Variants in FAF1 observed in about 807,000 individuals in gnomAD.
The protein encoded by FAF1 is FAS-associated factor 1.
In FAF1, 25 loss-of-function variants were observed where a neutral mutation model predicts 92.5. The observed-to-expected ratio is 0.27, with a 90% CI of 0.20 to 0.38. The LOEUF (loss-of-function observed/expected upper bound fraction) is 0.38. FAF1 is among the 10% of genes least tolerant of loss of function. FAF1 has a pLI of 1.00. For missense variants in FAF1, 636 were observed against 793.3 expected (o/e 0.80, Z 2.38); for synonymous variants, 234 against 273.2 (o/e 0.86, Z 1.42).
At chr1:50,904,924 T>C (rs578219813) in intron 1 of FAF1, among the ~76,000 whole-genome samples, 5 of 152,060 alleles carry the variant, frequency 3.3e-5, no homozygotes, top group South Asian at 2.1e-4. Context: ...TCTAGGGTAC[T>C]TGTGCACAAT....
intron 8 of FAF1, among the ~76,000 whole-genome samples, chr1:50,615,913 C>CA (rs992262849): frequency 1.3e-5 from 2 of 151,952 alleles, no homozygotes; most frequent in Non-Finnish European, 2.9e-5. Flanking sequence ...GGGACTAAGC[C>CA]AAAAAAATCT....
chr1:50,679,222 T>C (rs1330297903), intron 7 of FAF1, among the ~76,000 whole-genome samples: 1 of 152,220 alleles, frequency 6.6e-6, no homozygotes, highest in Non-Finnish European at 1.5e-5. Flanking sequence ...ACTTCCAATT[T>C]TTTAAAGCTG....
In FAF1 at chr1:50,440,722, G is replaced by T. The variant is rs1646158617; in HGVS notation, c.*718C>A. 6.6e-6 allele frequency: 1 copy of T among 152,226 alleles called. No individual in the cohort carries two copies. Among genetic ancestry groups the T allele is most frequent in the South Asian group, 2.1e-4 (1 of 4,824 alleles). The allele number at this position is 152,226 out of a possible 1,614,324, so 9.4% of individuals were successfully genotyped here. A position where few individuals can be genotyped will look rare whatever the true frequency, so the allele number is the denominator to read the frequency against. ...GGCCAGATACTGAAGTTTTGGTACT[G>T]GCCTCTCTGCACATGATCTCAACAT... On this transcript the variant is annotated 3_prime_UTR_variant, in exon 19 of 19. Coordinates refer to ENST00000396153, the MANE Select transcript of FAF1 (RefSeq NM_007051.3).
chr1:50,888,836 G>GT (rs1370437715), intron 1 of FAF1, among the ~76,000 whole-genome samples: 1 of 151,924 alleles, frequency 6.6e-6, no homozygotes, highest in East Asian at 1.9e-4. Context: ...TTTTTTTGTT[G>GT]TGTCTCTGCC....
intron 8 of FAF1, among the ~76,000 whole-genome samples, chr1:50,611,709 C>T (rs147988908): frequency 3.0e-4 from 46 of 152,264 alleles, no homozygotes; most frequent in African/African-American, 1.1e-3. Context: ...CTAATGTTCA[C>T]TAGGAAAACA....
At chr1:50,750,963 A>C (rs534556985) in intron 4 of FAF1, among the ~76,000 whole-genome samples, 21 of 129,948 alleles carry the variant, frequency 1.6e-4, no homozygotes, top group Admixed American at 3.0e-4. Context: ...AAATAGCTCC[A>C]AGTTTAGCTC....
intron 6 of FAF1, among the ~76,000 whole-genome samples, chr1:50,726,186 G>C (rs1027298623): frequency 6.6e-6 from 1 of 151,966 alleles, no homozygotes; most frequent in African/African-American, 2.4e-5. Context: ...AACTCAGGAG[G>C]CGGAGGTTGC....
rs780859522 is a variant in FAF1 at position 50,758,598 on chromosome 1, T to A, written c.368-13823A>T. Reference sequence around the variant, plus strand: ...AAATGTGTAACCAAATATTTACAATTTCTAGTGCTCTTCATTTCTCTGTAT... The same window carrying A: ...AAATGTGTAACCAAATATTTACAATATCTAGTGCTCTTCATTTCTCTGTAT... On this transcript the variant is annotated intron_variant, in intron 4 of 18. Transcript: ENST00000396153. Among the ~76,000 whole-genome samples, 38 of 152,226 alleles carry A rather than the reference T, an allele frequency of 2.5e-4. 1 individual carries two copies. Among genetic ancestry groups the A allele is most frequent in the Non-Finnish European group, 1.5e-4 (10 of 68,040 alleles).
intron 1 of FAF1, among the ~76,000 whole-genome samples, chr1:50,929,315 C>T (rs549902645): frequency 6.6e-6 from 1 of 152,054 alleles, no homozygotes; most frequent in Admixed American, 6.5e-5. Context: ...CAAAACAGTG[C>T]TATTTAAGTT....
intron 7 of FAF1, among the ~76,000 whole-genome samples, chr1:50,687,910 C>T (rs1474198918): frequency 6.6e-6 from 1 of 151,584 alleles, no homozygotes. Context: ...CCAAGGCGGG[C>T]GGATCACAAG....
intron 17 of FAF1, among the ~76,000 whole-genome samples, chr1:50,478,195 ACT>A (rs199758536): frequency 0.014 from 1,989 of 144,450 alleles, 16 homozygotes; most frequent in Middle Eastern, 0.066. Flanking sequence ...ATGGAGTTTC[ACT>A]CTGTCGCCCA....
At chr1:50,855,334 AT>A (rs544485188) in intron 2 of FAF1, among the ~76,000 whole-genome samples, 42 of 151,722 alleles carry the variant, frequency 2.8e-4, no homozygotes, top group African/African-American at 8.7e-4. Flanking sequence ...TTTTTATTAG[AT>A]TTTTTTTAAG....
chr1:50,685,569 T>C (rs1364366482), intron 7 of FAF1, among the ~76,000 whole-genome samples: 2 of 152,222 alleles, frequency 1.3e-5, no homozygotes, highest in Non-Finnish European at 2.9e-5. Flanking sequence ...TATCTCTGTT[T>C]ATATAGCAAG....
chr1:50,627,214 A>C (rs569626702), intron 8 of FAF1, among the ~76,000 whole-genome samples: 1 of 152,292 alleles, frequency 6.6e-6, no homozygotes, highest in African/African-American at 2.4e-5. Flanking sequence ...AAGAATACCT[A>C]GGAAGAAGAT....
At position 50,658,803 on chromosome 1, in the gene FAF1, A is replaced by G. The variant is rs543743432; in HGVS notation, c.658-3275T>C. Among the ~76,000 whole-genome samples, 7 of 152,372 alleles carry G rather than the reference A, an allele frequency of 4.6e-5. No individual in the cohort carries two copies. In the South Asian group the frequency reaches 1.4e-3, roughly 32 times the overall value. Reference sequence around the variant, plus strand: ...AATGCAAAGGCTAAATTCACAGAGTATTCTGAGTTTAAACTAAAAGAATCT... The same window carrying G: ...AATGCAAAGGCTAAATTCACAGAGTGTTCTGAGTTTAAACTAAAAGAATCT... On this transcript the variant is annotated intron_variant, in intron 7 of 18. Transcript: ENST00000396153.
At chr1:50,704,848 T>TA (rs1307226447) in intron 7 of FAF1, among the ~76,000 whole-genome samples, 2 of 152,030 alleles carry the variant, frequency 1.3e-5, no homozygotes, top group African/African-American at 4.8e-5. Context: ...TAACACAATA[T>TA]AAAAAAGGAA....
At position 50,510,400 on chromosome 1, in the gene FAF1, T is replaced by C. The variant is rs150663985; in HGVS notation, c.1495-18599A>G. 2.0e-4 allele frequency among the ~76,000 whole-genome samples: 30 copies of C among 152,068 alleles called. 1 individual carries two copies. In the East Asian group the frequency reaches 5.4e-3, roughly 27 times the overall value. ...CTGTTTAGGGAGGACCTGGGGCAAATCAGCTGTCACTAAATAGCATCATTT... is the reference window on the plus strand; with the variant it reads ...CTGTTTAGGGAGGACCTGGGGCAAACCAGCTGTCACTAAATAGCATCATTT... On this transcript the variant is annotated intron_variant, in intron 15 of 18. Coordinates refer to ENST00000396153, the MANE Select transcript of FAF1 (RefSeq NM_007051.3).
At position 50,475,548 on chromosome 1, in the gene FAF1, C is replaced by A. The variant is rs762784645; in HGVS notation, c.1785G>T (p.Lys595Asn). 3.1e-6 allele frequency: 5 copies of A among 1,614,144 alleles called. No individual in the cohort carries two copies. The East Asian group carries it at 1.1e-4, about 36-fold the overall frequency. Reference protein sequence around the residue: ...FLERRFLASNKLQIVFDFVAS... With the variant: ...FLERRFLASNNLQIVFDFVAS... ...CTACAAAATCAAAGACAATCTGGAG[C>A]TTGTTGCTGGCCAGGAAACGCCGCT... is the stretch of plus-strand genomic sequence containing the variant. The change falls in exon 18 of 19, where the codon AAG becomes AAT. Residue 595 changes from lysine (K) to asparagine (N), a missense_variant. By Grantham distance (94) the Lys-to-Asn change is moderately conservative. Transcript: ENST00000396153.
intron 2 of FAF1, among the ~76,000 whole-genome samples, chr1:50,840,123 T>G (rs1001741059): frequency 6.6e-6 from 1 of 151,984 alleles, no homozygotes; most frequent in Non-Finnish European, 1.5e-5. Context: ...ATGTATCATA[T>G]ACCTTAACAT....
Sources: gnomAD v4.1 joint callset for allele counts (sites outside exome capture counted in the v4.1 genomes callset) on GRCh38, gnomAD v4.1.1 for gene constraint, MANE v1.5 for transcripts, NCBI Gene and HGNC (gene_info 2026-07-23, HGNC 2026-07-21) for gene names.